The following GPR39 variants were observed in gnomAD, a reference collection of about 807,000 sequenced individuals.
GPR39 encodes zinc sensing receptor.
A neutral mutation model predicts 18.4 loss-of-function variants in GPR39; 23 were observed. The observed-to-expected ratio is 1.25, with a 90% CI of 0.90 to 1.77. The LOEUF is 1.77. Ranked by LOEUF, GPR39 falls within the 40% of genes most tolerant of loss-of-function variation. GPR39 has a pLI of 0.00. For missense variants in GPR39, 647 were observed against 602.4 expected (o/e 1.07, Z -0.78); for synonymous variants, 280 against 257.9 (o/e 1.09, Z -0.82).
chr2:132,470,618 A>G (rs1368387415), intron 1 of GPR39, among the ~76,000 whole-genome samples: 4 of 152,250 alleles, frequency 2.6e-5, no homozygotes, highest in African/African-American at 9.6e-5. Context: ...GTGGAGTGAT[A>G]TGAAACAGAA....
intron 1 of GPR39, among the ~76,000 whole-genome samples, chr2:132,435,610 T>A (rs1680303243): frequency 6.6e-6 from 1 of 152,198 alleles, no homozygotes; most frequent in African/African-American, 2.4e-5. Context: ...ATGCCTGCAC[T>A]GTTCAAGGGT....
At position 132,558,855 on chromosome 2, in the gene GPR39, C is replaced by A. The variant is rs548801200; in HGVS notation, c.857-86246C>A. 2.0e-5 allele frequency among the ~76,000 whole-genome samples: 3 copies of A among 152,252 alleles called. No individual in the cohort carries two copies. In the East Asian group the frequency reaches 5.8e-4, roughly 29 times the overall value. The stretch of plus-strand genomic sequence containing the variant: ...AATAGGTGCTCAGCTCAACAGGCTG[C>A]CCACAGTTTACACAAGCTTCTTGGC... On this transcript the variant is annotated intron_variant, in intron 1 of 1. Transcript: ENST00000329321.
At chr2:132,531,326 C>T (rs908121687) in intron 1 of GPR39, among the ~76,000 whole-genome samples, 33 of 152,132 alleles carry the variant, frequency 2.2e-4, no homozygotes, top group Admixed American at 8.5e-4. Flanking sequence ...TATATGCACC[C>T]GATACAGGAG....
chr2:132,548,322 G>A (rs1016196949), intron 1 of GPR39, among the ~76,000 whole-genome samples: 1 of 152,150 alleles, frequency 6.6e-6, no homozygotes, highest in Non-Finnish European at 1.5e-5. Context: ...CATTCCACTT[G>A]GGGGTCTTAC....
intron 1 of GPR39, among the ~76,000 whole-genome samples, chr2:132,490,400 A>C (rs1681433647): frequency 6.6e-6 from 1 of 151,864 alleles, no homozygotes; most frequent in African/African-American, 2.4e-5. Flanking sequence ...TTCTTTAACC[A>C]TCAGCTGTAG....
In GPR39 at chr2:132,492,845, T is replaced by C. The variant is rs62645263; in HGVS notation, c.856+74947T>C. Among the ~76,000 whole-genome samples, 184 of 139,726 alleles carry C rather than the reference T, an allele frequency of 1.3e-3. 1 individual carries two copies. The highest frequency in any genetic ancestry group is 4.3e-3 in the African/African-American group (161 of 37,144). 91.7% of individuals were successfully genotyped at this position (139,726 alleles called of 152,430 possible). On this transcript the variant is annotated intron_variant, in intron 1 of 1. Coordinates refer to ENST00000329321, the MANE Select transcript of GPR39 (RefSeq NM_001508.3). ...ATATATACCATATACACACCATATA[T>C]ACACCATATATATACCATATATGTA... is the stretch of plus-strand genomic sequence containing the variant.
At chr2:132,508,569 C>A (rs1679178401) in intron 1 of GPR39, among the ~76,000 whole-genome samples, 1 of 134,596 alleles carries the variant, frequency 7.4e-6, no homozygotes, top group African/African-American at 2.7e-5. Context: ...ACAGCAAACA[C>A]CTCCATGCAT....
At chr2:132,621,231 A>T (rs1558861725) in intron 1 of GPR39, among the ~76,000 whole-genome samples, 1 of 152,152 alleles carries the variant, frequency 6.6e-6, no homozygotes, top group Non-Finnish European at 1.5e-5. Flanking sequence ...TCATATCTGG[A>T]ATTGGCTGTG....
At chr2:132,493,894 C>G (rs955844572) in intron 1 of GPR39, among the ~76,000 whole-genome samples, 1 of 151,966 alleles carries the variant, frequency 6.6e-6, no homozygotes, top group Non-Finnish European at 1.5e-5. Flanking sequence ...GAGGGACCAT[C>G]AGAGAAGGTG....
intron 1 of GPR39, among the ~76,000 whole-genome samples, chr2:132,601,632 T>C (rs963505006): frequency 6.6e-6 from 1 of 152,064 alleles, no homozygotes; most frequent in African/African-American, 2.4e-5. Flanking sequence ...GGCAATCAAA[T>C]TGTCCCTCTT....
chr2:132,494,818 A>G (rs570059998), intron 1 of GPR39, among the ~76,000 whole-genome samples: 73 of 152,204 alleles, frequency 4.8e-4, no homozygotes, highest in Non-Finnish European at 7.8e-4. Flanking sequence ...TTTCTTATCC[A>G]GAGTGCAGTT....
intron 1 of GPR39, among the ~76,000 whole-genome samples, chr2:132,540,982 G>C (rs1679851147): frequency 6.6e-6 from 1 of 152,062 alleles, no homozygotes; most frequent in Non-Finnish European, 1.5e-5. Flanking sequence ...GCTTCTCTGT[G>C]GTGGCCCTCT....
At chr2:132,430,423 T>C (rs942574117) in intron 1 of GPR39, among the ~76,000 whole-genome samples, 3 of 152,130 alleles carry the variant, frequency 2.0e-5, no homozygotes, top group African/African-American at 7.2e-5. Context: ...GTTCTTTGAC[T>C]AGAGGCCACC....
intron 1 of GPR39, among the ~76,000 whole-genome samples, chr2:132,580,482 A>T (rs965004865): frequency 1.4e-4 from 22 of 152,216 alleles, no homozygotes; most frequent in Admixed American, 6.5e-4. Context: ...CATCTTTAGA[A>T]AGTGAAAATA....
intron 1 of GPR39, among the ~76,000 whole-genome samples, chr2:132,486,299 T>C (rs1681337488): frequency 6.6e-6 from 1 of 152,196 alleles, no homozygotes; most frequent in African/African-American, 2.4e-5. Flanking sequence ...ATTCTGAGAA[T>C]GGAAAATGTG....
rs565282859 is a variant in GPR39 at position 132,628,599 on chromosome 2, AT to A, written c.857-16501del. On this transcript the variant is annotated intron_variant, in intron 1 of 1. Transcript: ENST00000329321. ...TATGCACATCTTTCTGGGAAAGAGG[AT>A]AACTGTTTTTTCTCCTTTAAGTTTG... Among the ~76,000 whole-genome samples the A allele has an allele frequency of 1.5e-3, 224 of 152,294 alleles. 3 individuals are homozygous for A. Among genetic ancestry groups the A allele is most frequent in the Admixed American group, 0.014 (208 of 15,296 alleles).
chr2:132,497,207 A>G (rs537394696), intron 1 of GPR39, among the ~76,000 whole-genome samples: 1 of 152,296 alleles, frequency 6.6e-6, no homozygotes, highest in East Asian at 1.9e-4. Context: ...CTACATTTGC[A>G]TATTAATTCC....
intron 1 of GPR39, among the ~76,000 whole-genome samples, chr2:132,550,791 G>A (rs1680028531): frequency 6.6e-6 from 1 of 152,184 alleles, no homozygotes; most frequent in Admixed American, 6.5e-5. Flanking sequence ...ATACATTAGT[G>A]ATTATTCCAT....
At chr2:132,476,363 C>T (rs1291884070) in intron 1 of GPR39, among the ~76,000 whole-genome samples, 9 of 152,112 alleles carry the variant, frequency 5.9e-5, no homozygotes, top group East Asian at 5.8e-4. Flanking sequence ...AGGCTGGGCA[C>T]GGTGGCTCAC....
Sources: gnomAD v4.1 joint callset for allele counts (sites outside exome capture counted in the v4.1 genomes callset) on GRCh38, gnomAD v4.1.1 for gene constraint, MANE v1.5 for transcripts, NCBI Gene and HGNC (gene_info 2026-07-23, HGNC 2026-07-21) for gene names.